The following SLC37A3 variants were observed in gnomAD, a reference collection of about 807,000 sequenced individuals.
SLC37A3 encodes sugar phosphate exchanger 3.
SLC37A3 carries 51 observed loss-of-function variants against 67.1 expected under a neutral mutation model. The ratio of observed to expected loss-of-function variants is 0.76; its 90% CI spans 0.61 to 0.96. The LOEUF (loss-of-function observed/expected upper bound fraction) is 0.96. Among genes scored for constraint, SLC37A3 ranks in the 40% least tolerant of loss-of-function variants. The pLI is 0.00. For missense variants in SLC37A3, 508 were observed against 603.0 expected, an observed-to-expected ratio of 0.84 and a Z score of 1.65; for synonymous variants, 214 against 231.4, an observed-to-expected ratio of 0.92 and a Z score of 0.68.
chr7:140,381,086 C>T (rs1223325952), intron 2 of SLC37A3, among the ~76,000 whole-genome samples: 2 of 150,968 alleles, frequency 1.3e-5, no homozygotes, highest in African/African-American at 4.9e-5. Context: ...TTAGGAGAGA[C>T]GGGGTTTCAC....
intron 1 of SLC37A3, among the ~76,000 whole-genome samples, chr7:140,396,898 T>G (rs1440149885): frequency 1.3e-5 from 2 of 149,866 alleles, no homozygotes; most frequent in Non-Finnish European, 1.5e-5. Flanking sequence ...TTTTTTGTTT[T>G]TTTTTTTTTG....
Position 140,364,410 on chromosome 7 carries a change from C to T in SLC37A3, c.373G>A (p.Val125Met), listed in dbSNP as rs1797515057. The change falls in exon 5 of 15, where the codon GTG becomes ATG. Residue 125 changes from valine (V) to methionine (M), a missense_variant and splice_region_variant. By Grantham distance (21) the Val-to-Met change is conservative. Transcript: ENST00000326232. Reference protein sequence around the residue: ...LSFGMCSSALVVFVFGALTEW... With the variant: ...LSFGMCSSALMVFVFGALTEW... The stretch of plus-strand genomic sequence containing the variant: ...AATAATAAGACCTTTCAACTTACCA[C>T]TAATGCAGAAGAGCACATGCCAAAA... The T allele has an allele frequency of 1.2e-6, 2 of 1,613,416 alleles. No individual in the cohort carries two copies. Among genetic ancestry groups the T allele is most frequent in the Non-Finnish European group, 1.7e-6 (2 of 1,179,826 alleles).
At chr7:140,397,867 C>G (rs892444090) in intron 1 of SLC37A3, among the ~76,000 whole-genome samples, 2 of 152,108 alleles carry the variant, frequency 1.3e-5, no homozygotes, top group Admixed American at 6.5e-5. Context: ...TGAGAATAAA[C>G]AGAACACACC....
chr7:140,348,645 G>A lies in SLC37A3; in HGVS notation c.1005C>T (p.Tyr335=), dbSNP rs73472776. ...GCATACCTATGATCCCTCCAACGTCGTACCAAATGGACAGCTTGTCGGCTT... is the reference window on the plus strand; with the variant it reads ...GCATACCTATGATCCCTCCAACGTCATACCAAATGGACAGCTTGTCGGCTT... ...EAEADKLSIW[Y]DVGGIIGGTL... Residue 335 remains tyrosine (Y), a synonymous_variant, in exon 10 of 15, where the codon TAC becomes TAT. Coordinates refer to ENST00000326232, the MANE Select transcript of SLC37A3 (RefSeq NM_207113.3). 8,982 of 1,613,698 alleles carry A rather than the reference G, an allele frequency of 5.6e-3. 437 individuals are homozygous for A. The African/African-American group carries it at 0.1, about 19-fold the overall frequency.
intron 3 of SLC37A3, among the ~76,000 whole-genome samples, chr7:140,373,687 T>C (rs894787714): frequency 2.0e-5 from 3 of 151,432 alleles, no homozygotes. Context: ...CTTTTTTTTT[T>C]TTTTTGAGAT....
At position 140,335,366 on chromosome 7, in the gene SLC37A3, G is replaced by A. The variant is rs890064837; in HGVS notation, c.*46C>T. 3.1e-6 allele frequency: 5 copies of A among 1,614,084 alleles called. No individual in the cohort carries two copies. Among genetic ancestry groups the A allele is most frequent in the Non-Finnish European group, 3.4e-6 (4 of 1,180,034 alleles). On this transcript the variant is annotated 3_prime_UTR_variant, in exon 15 of 15. Transcript: ENST00000326232. The stretch of plus-strand genomic sequence containing the variant: ...ATTAGGGCAGACTCGAAGCCCCAGC[G>A]GTCCTGATGTGGCTGACATTGTTCT...
rs765032143 is a variant in SLC37A3 at position 140,382,388 on chromosome 7, C to CAAAAGAA, written c.89+43_89+49dup. The CAAAAGAA allele has an allele frequency of 7.8e-5, 120 of 1,545,822 alleles. No individual in the cohort carries two copies. In the African/African-American group the frequency reaches 1.5e-3, roughly 19 times the overall value. On this transcript the variant is annotated intron_variant, in intron 2 of 14. Coordinates refer to ENST00000326232, the MANE Select transcript of SLC37A3 (RefSeq NM_207113.3). The stretch of plus-strand genomic sequence containing the variant: ...GACACTTGCCATGCAATATCTCCCT[C>CAAAAGAA]AAAAGAAAAAAGAAAAAAAGCAGGA...
chr7:140,377,573 A>C (rs1798082679), intron 3 of SLC37A3, among the ~76,000 whole-genome samples: 2 of 152,212 alleles, frequency 1.3e-5, no homozygotes, highest in Non-Finnish European at 1.5e-5. Flanking sequence ...CAGTGAACCC[A>C]TTATAAATTC....
At chr7:140,349,675 C>G (rs1796715756) in intron 9 of SLC37A3, among the ~76,000 whole-genome samples, 1 of 152,150 alleles carries the variant, frequency 6.6e-6, no homozygotes, top group African/African-American at 2.4e-5. Context: ...CCCTAGAGAG[C>G]CAAATCCCAA....
chr7:140,397,727 C>T (rs928969982), intron 1 of SLC37A3, among the ~76,000 whole-genome samples: 1 of 151,896 alleles, frequency 6.6e-6, no homozygotes, highest in Non-Finnish European at 1.5e-5. Context: ...TTTTGCTCAC[C>T]CCAGGAACCA....
At chr7:140,373,013 G>A (rs1263347311) in intron 3 of SLC37A3, among the ~76,000 whole-genome samples, 1 of 152,082 alleles carries the variant, frequency 6.6e-6, no homozygotes, top group African/African-American at 2.4e-5. Flanking sequence ...GTGCAATGGC[G>A]CGATCTCGGC....
intron 13 of SLC37A3, among the ~76,000 whole-genome samples, chr7:140,341,100 CTT>C (rs1055776271): frequency 2.6e-5 from 4 of 152,072 alleles, no homozygotes; most frequent in South Asian, 2.1e-4. Flanking sequence ...GCTCAGCTAA[CTT>C]TTTATTTTTT....
In SLC37A3 at chr7:140,366,473, G is replaced by A. The variant is rs148252399; in HGVS notation, c.292-1982C>T. Among the ~76,000 whole-genome samples, 743 of 132,884 alleles carry A rather than the reference G, an allele frequency of 5.6e-3. 9 individuals are homozygous for A. Among genetic ancestry groups the A allele is most frequent in the African/African-American group, 0.018 (707 of 40,080 alleles). The allele number at this position is 132,884 out of a possible 152,430, so 87.2% of individuals were successfully genotyped here. A position where few individuals can be genotyped will look rare whatever the true frequency, so the allele number is the denominator to read the frequency against. ...CCCATAAGTTACAGAAGGAAGTGCA[G>A]CTCAAGATAAAAAAAAAACCATGAC... On this transcript the variant is annotated intron_variant, in intron 4 of 14. Transcript: ENST00000326232.
chr7:140,396,955 G>A (rs571465475), intron 1 of SLC37A3, among the ~76,000 whole-genome samples: 65 of 144,386 alleles, frequency 4.5e-4, no homozygotes, highest in South Asian at 1.9e-3. Flanking sequence ...TAATTACAGC[G>A]CTTTGGGAGG....
intron 4 of SLC37A3, among the ~76,000 whole-genome samples, chr7:140,365,035 G>A (rs1469285401): frequency 6.6e-6 from 1 of 152,146 alleles, no homozygotes. Context: ...GGGCACACTA[G>A]CTGCCTGTTG....
chr7:140,363,403 T>C (rs1269768249), intron 5 of SLC37A3, among the ~76,000 whole-genome samples: 2 of 84,452 alleles, frequency 2.4e-5, no homozygotes, highest in East Asian at 3.2e-4. Context: ...TCCCCAACCC[T>C]GTGCTCTCTG....
intron 3 of SLC37A3, chr7:140,370,645 TG>T (rs1171300158): frequency 1.3e-5 from 2 of 152,206 alleles, no homozygotes; most frequent in African/African-American, 4.8e-5. Flanking sequence ...TGGGGGATGA[TG>T]TTCTATATCT....
chr7:140,368,704 G>A (rs1223387461), intron 4 of SLC37A3, among the ~76,000 whole-genome samples: 2 of 152,152 alleles, frequency 1.3e-5, no homozygotes, highest in Non-Finnish European at 2.9e-5. Flanking sequence ...GGGCAGCAGA[G>A]GTCAAATGTA....
intron 6 of SLC37A3, 94 bp downstream of exon 6, chr7:140,358,546 C>G: frequency 1.3e-6 from 2 of 1,541,582 alleles, no homozygotes; most frequent in East Asian, 4.5e-5. Flanking sequence ...TGGGTGGTAT[C>G]TAAGGCAGCA....
Sources: gnomAD v4.1 joint callset for allele counts (sites outside exome capture counted in the v4.1 genomes callset) on GRCh38, gnomAD v4.1.1 for gene constraint, MANE v1.5 for transcripts, NCBI Gene and HGNC (gene_info 2026-07-23, HGNC 2026-07-21) for gene names.